The following SLC44A5 variants were observed in gnomAD, a reference collection of about 807,000 sequenced individuals.
SLC44A5 encodes solute carrier family 44 member 5.
SLC44A5 carries 57 observed loss-of-function variants against 101.8 expected under a neutral mutation model. That is an observed-to-expected ratio of 0.56 (90% CI 0.45 to 0.70). The LOEUF (loss-of-function observed/expected upper bound fraction) is 0.70, where lower values mean the gene tolerates loss of function less well. SLC44A5 is among the 30% of genes least tolerant of loss of function. The pLI is 0.00. For missense variants in SLC44A5, 737 were observed against 853.1 expected (o/e 0.86, Z 1.70); for synonymous variants, 281 against 290.9 (o/e 0.97, Z 0.35).
At chr1:75,447,516 T>A (rs1665657848) in intron 2 of SLC44A5, among the ~76,000 whole-genome samples, 1 of 152,166 alleles carries the variant, frequency 6.6e-6, no homozygotes. Flanking sequence ...ATGCTAAAAA[T>A]CTGCATTTGA....
At chr1:75,613,726 G>T (rs1185322181), upstream of SLC44A5, among the ~76,000 whole-genome samples, 1 of 152,184 alleles carries the variant, frequency 6.6e-6, no homozygotes, top group Admixed American at 6.5e-5. Context: ...TCCTTCCAGA[G>T]AAACTGTTAA....
chr1:75,529,348 A>G (rs561144286), intron 2 of SLC44A5, among the ~76,000 whole-genome samples: 3 of 152,172 alleles, frequency 2.0e-5, no homozygotes, highest in South Asian at 2.1e-4. Context: ...CCTACTAACC[A>G]TAAGGGCTTG....
intron 2 of SLC44A5, among the ~76,000 whole-genome samples, chr1:75,531,125 G>A (rs1670698063): frequency 6.6e-6 from 1 of 152,136 alleles, no homozygotes; most frequent in Non-Finnish European, 1.5e-5. Flanking sequence ...AGCAATAAAT[G>A]TAGAAGCAGC....
intron 12 of SLC44A5, among the ~76,000 whole-genome samples, chr1:75,230,702 C>T (rs1453956548): frequency 6.6e-6 from 1 of 152,004 alleles, no homozygotes. Context: ...CTGCAACCTC[C>T]TCCTCCCAGA....
At chr1:75,626,053 C>T in the SLC44A5 span, among the ~76,000 whole-genome samples, 1 of 152,038 alleles carries the variant, frequency 6.6e-6, no homozygotes, top group African/African-American at 2.4e-5. Context: ...ATTTTACATG[C>T]CTACTGTGGA....
At chr1:75,472,656 C>A (rs1299963152) in intron 2 of SLC44A5, among the ~76,000 whole-genome samples, 1 of 152,148 alleles carries the variant, frequency 6.6e-6, no homozygotes, top group Non-Finnish European at 1.5e-5. Context: ...TTTCATTTAG[C>A]AGCTGAAATG....
At chr1:75,618,985 G>A in the SLC44A5 span, among the ~76,000 whole-genome samples, 4 of 149,540 alleles carry the variant, frequency 2.7e-5, no homozygotes, top group Non-Finnish European at 5.9e-5. Flanking sequence ...CAGGAGAATC[G>A]CTTGAACCTG....
At chr1:75,521,018 G>A (rs941639293) in intron 2 of SLC44A5, among the ~76,000 whole-genome samples, 1 of 152,122 alleles carries the variant, frequency 6.6e-6, no homozygotes, top group African/African-American at 2.4e-5. Flanking sequence ...GGTAGCAGGG[G>A]TTGAAACACA....
At chr1:75,437,514 A>G (rs931995233) in intron 2 of SLC44A5, among the ~76,000 whole-genome samples, 13 of 152,128 alleles carry the variant, frequency 8.5e-5, no homozygotes, top group African/African-American at 3.1e-4. Context: ...ACAAAATTTT[A>G]TCCTGAATTC....
chr1:75,321,403 TC>T (rs953057034), intron 4 of SLC44A5, among the ~76,000 whole-genome samples: 1 of 152,098 alleles, frequency 6.6e-6, no homozygotes, highest in African/African-American at 2.4e-5. Flanking sequence ...ATGAGGGCCC[TC>T]TTCCTGATTT....
At chr1:75,355,579 TAG>T (rs1248887766) in intron 3 of SLC44A5, among the ~76,000 whole-genome samples, 1 of 152,208 alleles carries the variant, frequency 6.6e-6, no homozygotes, top group East Asian at 1.9e-4. Flanking sequence ...CAATAAAAAT[TAG>T]AGTTATGCAT....
chr1:75,524,523 C>T (rs756242875), intron 2 of SLC44A5, among the ~76,000 whole-genome samples: 14 of 151,994 alleles, frequency 9.2e-5, no homozygotes, highest in Non-Finnish European at 1.8e-4. Context: ...GGAAAGGTAA[C>T]CATACAATTT....
intron 2 of SLC44A5, among the ~76,000 whole-genome samples, chr1:75,473,157 C>T (rs368787710): frequency 2.0e-5 from 3 of 152,256 alleles, no homozygotes; most frequent in African/African-American, 7.2e-5. Context: ...GCTAAGTGTC[C>T]TTTTTTATGC....
chr1:75,262,810 G>C (rs1650643870), intron 6 of SLC44A5, among the ~76,000 whole-genome samples: 1 of 151,992 alleles, frequency 6.6e-6, no homozygotes. Context: ...CAGAACAAAG[G>C]CCTCAGAAAT....
At chr1:75,459,868 C>A (rs1184752384) in intron 2 of SLC44A5, among the ~76,000 whole-genome samples, 1 of 152,068 alleles carries the variant, frequency 6.6e-6, no homozygotes, top group Non-Finnish European at 1.5e-5. Context: ...CCCAGGCTGG[C>A]CTTAAACTCC....
intron 4 of SLC44A5, among the ~76,000 whole-genome samples, chr1:75,320,904 A>G (rs557925301): frequency 1.3e-5 from 2 of 152,292 alleles, no homozygotes; most frequent in East Asian, 3.9e-4. Flanking sequence ...CTACTGATAC[A>G]TGACCGTGTT....
chr1:75,294,506 T>C (rs1026633057), intron 5 of SLC44A5, among the ~76,000 whole-genome samples: 11 of 152,284 alleles, frequency 7.2e-5, no homozygotes, highest in African/African-American at 2.6e-4. Context: ...TTGAACTCAG[T>C]ATGTTGAAGA....
At chr1:75,619,325 T>C in the SLC44A5 span, among the ~76,000 whole-genome samples, 42,267 of 151,898 alleles carry the variant, frequency 0.28, 7,049 homozygotes, top group East Asian at 0.82. Context: ...ACCACTGTCA[T>C]ATATTCAGTC....
chr1:75,571,234 A>C (rs1442699676), intron 1 of SLC44A5, among the ~76,000 whole-genome samples: 1 of 152,178 alleles, frequency 6.6e-6, no homozygotes, highest in East Asian at 1.9e-4. Context: ...TTAGATTAAA[A>C]CATATAATTT....
Sources: gnomAD v4.1 joint callset for allele counts (sites outside exome capture counted in the v4.1 genomes callset) on GRCh38, gnomAD v4.1.1 for gene constraint, MANE v1.5 for transcripts, NCBI Gene and HGNC (gene_info 2026-07-23, HGNC 2026-07-21) for gene names.